Variants in SPDYE21 observed in about 807,000 individuals in gnomAD.
SPDYE21 encodes speedy protein E21.
Under a neutral mutation model 36.2 loss-of-function variants are expected in SPDYE21, and 14 were observed. That is an observed-to-expected ratio of 0.39 (90% CI 0.26 to 0.61). The LOEUF (loss-of-function observed/expected upper bound fraction) is 0.61, where lower values mean the gene tolerates loss of function less well. Ranked by LOEUF, SPDYE21 falls within the 20% of genes least tolerant of loss-of-function variation. The probability of loss-of-function intolerance (pLI) is 0.55; values close to 1 mark genes in which losing one functional copy is unlikely to be tolerated. For missense variants in SPDYE21, 233 were observed against 424.6 expected, an observed-to-expected ratio of 0.55 and a Z score of 3.97; for synonymous variants, 58 against 155.1, an observed-to-expected ratio of 0.37 and a Z score of 4.65.
chr7:67,277,223 A>G (rs1802554644), intron 1 of SPDYE21, among the ~76,000 whole-genome samples, 161 bp downstream of exon 1: 2 of 151,790 alleles, frequency 1.3e-5, no homozygotes, highest in Admixed American at 6.6e-5. Context: ...ATGCCTGGCT[A>G]ATTTTTTGTA....
Position 67,279,809 on chromosome 7 carries a change from T to C in SPDYE21, c.161-9T>C, listed in dbSNP as rs879077347. On this transcript the variant is annotated splice_polypyrimidine_tract_variant and intron_variant, in intron 2 of 8. Transcript: ENST00000424157. ...AAGCATTACACAGTGGCCTGGTTTC[T>C]TTACTCAGCCCCTGGGGTAGATCCC... 6.3e-7 allele frequency: 1 copy of C among 1,594,216 alleles called. No individual in the cohort carries two copies. The highest frequency in any genetic ancestry group is 1.1e-5 in the South Asian group (1 of 90,252).
At chr7:67,282,869 C>T (rs1452988137) in intron 5 of SPDYE21, among the ~76,000 whole-genome samples, 176 bp downstream of exon 5, 2 of 138,890 alleles carry the variant, frequency 1.4e-5, no homozygotes, top group African/African-American at 5.5e-5. Flanking sequence ...GGCAGTGTCT[C>T]GATCTTGACT....
At chr7:67,280,169 T>G in intron 3 of SPDYE21, 133 bp downstream of exon 3, 1 of 1,479,376 alleles carries the variant, frequency 6.8e-7, no homozygotes, top group African/African-American at 1.4e-5. Flanking sequence ...GACTCAGAAG[T>G]GATCACTCAT....
chr7:67,277,004 C>T lies in SPDYE21; in HGVS notation c.-481C>T, dbSNP rs1342828588. ...TTTCAGTGTGTGCCTTTTCTATGAG[C>T]GAGAGACTCCTAGGAAAGCAGCAGC... On this transcript the variant is annotated 5_prime_UTR_variant, in exon 1 of 9. The change creates a premature stop within an existing upstream ORF in the 5' untranslated region. Transcript: ENST00000424157. Among the ~76,000 whole-genome samples, 2 of 152,024 alleles carry T rather than the reference C, an allele frequency of 1.3e-5. No homozygotes were observed. Among genetic ancestry groups the T allele is most frequent in the Non-Finnish European group, 2.9e-5 (2 of 68,010 alleles).
At chr7:67,283,562 G>A (rs1253506423) in intron 5 of SPDYE21, among the ~76,000 whole-genome samples, 2 of 151,978 alleles carry the variant, frequency 1.3e-5, no homozygotes, top group Non-Finnish European at 2.9e-5. Context: ...CAGTCTGGCC[G>A]CAGCCCTGAA....
At chr7:67,286,803 G>T (rs1802744406) in intron 8 of SPDYE21, among the ~76,000 whole-genome samples, 139 bp downstream of exon 8, 1 of 152,188 alleles carries the variant, frequency 6.6e-6, no homozygotes, top group African/African-American at 2.4e-5. Flanking sequence ...AAATTAGCCA[G>T]GCGATGTGGG....
At chr7:67,287,461 C>A (rs1802760822) in intron 8 of SPDYE21, among the ~76,000 whole-genome samples, 57 bp from the exon 9 acceptor site, 1 of 152,122 alleles carries the variant, frequency 6.6e-6, no homozygotes, top group Non-Finnish European at 1.5e-5. Flanking sequence ...ACGTGAATAA[C>A]CTTCCTGTCT....
intron 6 of SPDYE21, among the ~76,000 whole-genome samples, chr7:67,285,682 G>A (rs1341965922): frequency 2.0e-5 from 3 of 152,198 alleles, no homozygotes; most frequent in South Asian, 2.1e-4. Context: ...GAGCCACTGC[G>A]TCTGGCATAT....
In SPDYE21 at chr7:67,277,061, AG is replaced by A. The variant is rs1802552642; in HGVS notation, c.-423+1del. On this transcript the variant is annotated splice_region_variant and 5_prime_UTR_variant, in exon 1 of 9. An upstream open reading frame in the 5' UTR gains an earlier in-frame stop. Coordinates refer to ENST00000424157, the MANE Select transcript of SPDYE21 (RefSeq NM_001382715.2). Reference sequence around the variant, plus strand: ...GGAAAACGTGTGGGAACTCACTCGCAGGTTCTTTATTTTTTTTGAGATGGAG... The same window carrying A: ...GGAAAACGTGTGGGAACTCACTCGCAGTTCTTTATTTTTTTTGAGATGGAG... 1.3e-5 allele frequency among the ~76,000 whole-genome samples: 2 copies of A among 151,946 alleles called. No homozygotes were observed. Among genetic ancestry groups the A allele is most frequent in the Admixed American group, 6.6e-5 (1 of 15,252 alleles).
chr7:67,286,061 T>C lies in SPDYE21; in HGVS notation c.773T>C (p.Met258Thr). The change falls in exon 7 of 9, where the codon ATG becomes ACG. Residue 258 changes from methionine to threonine, a missense_variant. Met to Thr is a moderately conservative substitution (Grantham distance 81). Around this residue, in one of 4 missense-constraint regions of SPDYE21, gnomAD observed 139 missense variants for 175.8 expected, o/e 0.79. Coordinates refer to ENST00000424157, the MANE Select transcript of SPDYE21 (RefSeq NM_001382715.2). Reference protein sequence around the residue: ...FFLALYLANDMEEDDEDSKQN... With the variant: ...FFLALYLANDTEEDDEDSKQN... ...ATCCTCAGCTACCTGGCCAATGACA[T>C]GGAGGAGGACGACGAGGACTCCAAA... The C allele has an allele frequency of 6.2e-7, 1 of 1,613,290 alleles. No individual in the cohort carries two copies. The highest frequency in any genetic ancestry group is 1.1e-5 in the South Asian group (1 of 91,032).
rs1190617164 is a variant in SPDYE21, at chr7:67,287,549, A to G, written c.*77A>G. On this transcript the variant is annotated 3_prime_UTR_variant, in exon 9 of 9. Transcript: ENST00000424157. ...GGACCCAGGGGAGATGTGGATTTTC[A>G]GCAGGAACTTTATTCCAATGCTAAT... 6.6e-6 allele frequency among the ~76,000 whole-genome samples: 1 copy of G among 151,988 alleles called. No homozygotes were observed. The highest frequency in any genetic ancestry group is 1.5e-5 in the Non-Finnish European group (1 of 68,002).
At chr7:67,286,712 C>T (rs201749196) in intron 8 of SPDYE21, among the ~76,000 whole-genome samples, 48 bp downstream of exon 8, 6,097 of 152,058 alleles carry the variant, frequency 0.04, 180 homozygotes, top group Middle Eastern at 0.068. Context: ...GGGTCTATTT[C>T]GGAAATCCGA....
At chr7:67,285,217 C>T (rs1258905812) in intron 6 of SPDYE21, among the ~76,000 whole-genome samples, 1 of 152,086 alleles carries the variant, frequency 6.6e-6, no homozygotes, top group Non-Finnish European at 1.5e-5. Context: ...TCAATGTATT[C>T]AATTGCTTTT....
At chr7:67,284,291 C>A (rs1161444090) in intron 6 of SPDYE21, among the ~76,000 whole-genome samples, 1 of 151,558 alleles carries the variant, frequency 6.6e-6, no homozygotes, top group African/African-American at 2.4e-5. Flanking sequence ...TCTACTAAAA[C>A]TAGAAAAATT....
In SPDYE21 at chr7:67,282,650, A is replaced by T; in HGVS notation, c.626A>T (p.Lys209Ile). 8 of 1,569,214 alleles carry T rather than the reference A, an allele frequency of 5.1e-6. No individual in the cohort carries two copies. Among genetic ancestry groups the T allele is most frequent in the Non-Finnish European group, 6.9e-6 (8 of 1,161,560 alleles). The change falls in exon 5 of 9, where the codon AAA (lysine) becomes ATA (isoleucine). Residue 209 changes from lysine (K) to isoleucine (I), a missense_variant. Around this residue, in one of 4 missense-constraint regions of SPDYE21, gnomAD observed 24 missense variants for 59.2 expected, o/e 0.41. Coordinates refer to ENST00000424157, the MANE Select transcript of SPDYE21 (RefSeq NM_001382715.2). ...FNRLLEDPVI[K>I]RFLAWDKDLR... ...CTAATCACAGAGGATCCTGTCATTA[A>T]AAGATTCCTGGCCTGGGACAAAGAT...
chr7:67,281,823 C>T (rs936809393), intron 4 of SPDYE21, among the ~76,000 whole-genome samples: 13 of 152,208 alleles, frequency 8.5e-5, no homozygotes, highest in Non-Finnish European at 1.3e-4. Context: ...AGCTTGGTTT[C>T]GGGCCAGGCG....
At position 67,279,896 on chromosome 7, in the gene SPDYE21, A is replaced by AG; in HGVS notation, c.241dup (p.Glu81GlyfsTer9). On this transcript the variant is annotated frameshift_variant, in exon 3 of 9. Transcript: ENST00000424157. LOFTEE classifies it high-confidence loss of function. ...AAGGAGTGGTCAGATGAATCTGAGGAGGAGCCGGAGAAGGAGCTCGCCCCT... is the reference window on the plus strand; with the variant it reads ...AAGGAGTGGTCAGATGAATCTGAGGAGGGAGCCGGAGAAGGAGCTCGCCCCT... The AG allele has an allele frequency of 1.3e-6, 2 of 1,589,314 alleles. No individual in the cohort carries two copies. The highest frequency in any genetic ancestry group is 1.7e-6 in the Non-Finnish European group (2 of 1,176,900).
rs367895201 is a variant in SPDYE21 at position 67,285,013 on chromosome 7, G to A, written c.755+1015G>A. On this transcript the variant is annotated intron_variant, in intron 6 of 8. Coordinates refer to ENST00000424157, the MANE Select transcript of SPDYE21 (RefSeq NM_001382715.2). ...CTGTCTGGGTGTCCCGCACACATGT[G>A]GCTCTGAAGGGAAGGACCCATTCCT... Among the ~76,000 whole-genome samples the A allele has an allele frequency of 2.5e-4, 38 of 151,928 alleles. 1 individual carries two copies. The East Asian group carries it at 3.1e-3, about 12-fold the overall frequency.
At chr7:67,277,271 C>T (rs1418379221) in intron 1 of SPDYE21, among the ~76,000 whole-genome samples, 1 of 151,720 alleles carries the variant, frequency 6.6e-6, no homozygotes, top group Non-Finnish European at 1.5e-5. Flanking sequence ...GTTGTCCAGG[C>T]TGGTCTCAAA....
Sources: allele counts gnomAD v4.1 joint callset (sites outside exome capture counted in the v4.1 genomes callset), GRCh38; gene constraint gnomAD v4.1.1; regional missense constraint gnomAD v4.1.1; transcripts MANE v1.5; gene names NCBI Gene and HGNC (gene_info 2026-07-23, HGNC 2026-07-21).